Variants in UBE4B observed in about 807,000 individuals in gnomAD.
UBE4B encodes ubiquitination factor E4B.
In UBE4B, 27 loss-of-function variants were observed where a neutral mutation model predicts 148.1. The observed-to-expected ratio is 0.18, with a 90% CI of 0.13 to 0.25. UBE4B has a LOEUF of 0.25. Ranked by LOEUF, UBE4B falls within the 10% of genes least tolerant of loss-of-function variation. UBE4B has a pLI of 1.00. For missense variants in UBE4B, 1,170 were observed against 1,662.4 expected (o/e 0.70, Z 5.15); for synonymous variants, 596 against 619.3 (o/e 0.96, Z 0.56).
At chr1:10,061,066 GT>G (rs368445541) in intron 1 of UBE4B, among the ~76,000 whole-genome samples, 80 of 145,746 alleles carry the variant, frequency 5.5e-4, no homozygotes, top group South Asian at 6.5e-4. Flanking sequence ...TCTGTTTTCT[GT>G]TTTTTTTTTT....
At chr1:10,131,010 T>A (rs1645584051) in intron 14 of UBE4B, among the ~76,000 whole-genome samples, 197 bp downstream of exon 14, 2 of 152,244 alleles carry the variant, frequency 1.3e-5, no homozygotes, top group South Asian at 4.1e-4. Flanking sequence ...GTATGCTGCC[T>A]TTGTATGTAG....
intron 1 of UBE4B, among the ~76,000 whole-genome samples, chr1:10,055,548 C>T (rs748210458): frequency 6.6e-6 from 1 of 152,122 alleles, no homozygotes; most frequent in Non-Finnish European, 1.5e-5. Context: ...CAACTCCTGG[C>T]TTCAAGCCTT....
intron 17 of UBE4B, among the ~76,000 whole-genome samples, chr1:10,137,957 C>T (rs866431107): frequency 1.6e-4 from 14 of 88,874 alleles, no homozygotes; most frequent in Admixed American, 5.6e-4. Context: ...TTTTTTGAGA[C>T]GGAGTCTCGC....
chr1:10,133,632 C>T (rs1020744970), intron 15 of UBE4B, among the ~76,000 whole-genome samples: 5 of 152,064 alleles, frequency 3.3e-5, no homozygotes, highest in Non-Finnish European at 5.9e-5. Context: ...AGAAAGAGGC[C>T]GGGCATGGTG....
At position 10,106,831 on chromosome 1, in the gene UBE4B, C is replaced by T. The variant is rs923151046; in HGVS notation, c.1196+248C>T. On this transcript the variant is annotated intron_variant, in intron 7 of 27. Coordinates refer to ENST00000343090, the MANE Select transcript of UBE4B (RefSeq NM_001105562.3). The surrounding 1 kb of genome is among the most constrained non-coding windows in gnomAD (Gnocchi z 4.2). ...CCTTTCTTCCCTTTGAGAGTTGGGG[C>T]ACACAGGAACCCTTTTTGGCCTTTT... Among the ~76,000 whole-genome samples the T allele has an allele frequency of 6.6e-6, 1 of 152,146 alleles. No homozygotes were observed. The highest frequency in any genetic ancestry group is 1.5e-5 in the Non-Finnish European group (1 of 68,030).
chr1:10,126,355 A>C (rs1645497487), intron 10 of UBE4B, among the ~76,000 whole-genome samples: 1 of 150,788 alleles, frequency 6.6e-6, no homozygotes. Context: ...AGATAGATAG[A>C]AAGGAGGAAA....
chr1:10,103,915 C>T (rs146686896), intron 5 of UBE4B, among the ~76,000 whole-genome samples: 3,849 of 152,078 alleles, frequency 0.025, 79 homozygotes, highest in Admixed American at 0.042. Flanking sequence ...CATGAGCCAC[C>T]GTGCCTGGCC....
chr1:10,163,765 T>C (rs1284206808), intron 23 of UBE4B, among the ~76,000 whole-genome samples: 1 of 151,036 alleles, frequency 6.6e-6, no homozygotes, highest in Non-Finnish European at 1.5e-5. Context: ...TAAATTATTT[T>C]TTATTTTATT....
chr1:10,110,035 G>T (rs535546937), intron 7 of UBE4B, among the ~76,000 whole-genome samples: 53 of 152,250 alleles, frequency 3.5e-4, no homozygotes, highest in Non-Finnish European at 6.0e-4. Flanking sequence ...CAAAGAAATA[G>T]TACTTTATCC....
At chr1:10,139,373 A>G (rs1457684446) in intron 17 of UBE4B, among the ~76,000 whole-genome samples, 1 of 152,046 alleles carries the variant, frequency 6.6e-6, no homozygotes, top group South Asian at 2.1e-4. Context: ...CCTGAGCAAG[A>G]GTGAGACTCT....
rs1203752169 is a variant in UBE4B, at chr1:10,119,578, T to C, written c.1404T>C (p.Thr468=). The C allele has an allele frequency of 1.2e-6, 2 of 1,613,588 alleles. No individual in the cohort carries two copies. The part of the protein sequence containing the change: ...SNIRSQCISH[T]ALVLQGSLTQ... ...TCCGCTCACAGTGCATATCCCATAC[T>C]GCTTTAGTACTACAAGGCTCCCTAA... The change falls in exon 9 of 28, where the codon ACT becomes ACC. Residue 468 remains threonine, a synonymous_variant. Coordinates refer to ENST00000343090, the MANE Select transcript of UBE4B (RefSeq NM_001105562.3).
chr1:10,176,165 G>A (rs905681448), intron 25 of UBE4B, among the ~76,000 whole-genome samples: 16 of 152,170 alleles, frequency 1.1e-4, no homozygotes, highest in African/African-American at 3.6e-4. Context: ...TTGTGTTGTA[G>A]AATGTATCAG....
intron 2 of UBE4B, among the ~76,000 whole-genome samples, chr1:10,085,778 T>A (rs1165141517): frequency 3.3e-5 from 5 of 151,996 alleles, no homozygotes; most frequent in Non-Finnish European, 7.4e-5. Context: ...CTCAAAGCCC[T>A]CCTGTATTCA....
intron 2 of UBE4B, among the ~76,000 whole-genome samples, chr1:10,085,871 C>T (rs1644756701): frequency 6.6e-6 from 1 of 152,054 alleles, no homozygotes; most frequent in Non-Finnish European, 1.5e-5. Flanking sequence ...CTCACTGCAA[C>T]GTCTGCCTCC....
At chr1:10,178,967 T>G in intron 26 of UBE4B, 149 bp downstream of exon 26, 3 of 806,196 alleles carry the variant, frequency 3.7e-6, no homozygotes. Flanking sequence ...ATTTGCCTAT[T>G]TTTAGCTCAT....
At chr1:10,091,548 A>T (rs1182915737) in intron 2 of UBE4B, among the ~76,000 whole-genome samples, 1 of 152,062 alleles carries the variant, frequency 6.6e-6, no homozygotes, top group East Asian at 1.9e-4. Flanking sequence ...GGGCTCAAGC[A>T]ATCCTTCCAC....
intron 1 of UBE4B, among the ~76,000 whole-genome samples, chr1:10,063,509 A>G (rs948547244): frequency 1.3e-5 from 2 of 152,218 alleles, no homozygotes; most frequent in Non-Finnish European, 2.9e-5. Flanking sequence ...AACACAGATC[A>G]AGTATCTCCA....
At chr1:10,118,724 T>A (rs1645357270) in intron 8 of UBE4B, among the ~76,000 whole-genome samples, 1 of 151,654 alleles carries the variant, frequency 6.6e-6, no homozygotes, top group African/African-American at 2.4e-5. Context: ...GGCTGGTCTC[T>A]AACTCCCGAC....
chr1:10,112,460 C>T (rs542169665), intron 7 of UBE4B, among the ~76,000 whole-genome samples: 3 of 152,182 alleles, frequency 2.0e-5, no homozygotes, highest in Admixed American at 6.5e-5. Flanking sequence ...AGTGCAGTGG[C>T]GCGATCTCAG....
Sources: gnomAD v4.1 joint callset for allele counts (sites outside exome capture counted in the v4.1 genomes callset) on GRCh38, gnomAD v4.1.1 for gene constraint, Gnocchi (gnomAD v3.1) non-coding constraint, MANE v1.5 for transcripts, NCBI Gene and HGNC (gene_info 2026-07-23, HGNC 2026-07-21) for gene names.